Variants in KCTD16 observed in about 807,000 individuals in gnomAD.
KCTD16 encodes BTB/POZ domain-containing protein KCTD16.
In KCTD16, 13 loss-of-function variants were observed where a neutral mutation model predicts 33.2. The observed-to-expected ratio is 0.39, with a 90% CI of 0.25 to 0.62. The LOEUF is 0.62. KCTD16 is among the 20% of genes least tolerant of loss of function. KCTD16 has a pLI of 0.50. For synonymous variants in KCTD16, 197 were observed against 195.3 expected, an observed-to-expected ratio of 1.01 and a Z score of -0.07; for missense variants, 441 against 525.1, an observed-to-expected ratio of 0.84 and a Z score of 1.57.
intron 3 of KCTD16, among the ~76,000 whole-genome samples, chr5:144,232,941 C>G (rs200017043): frequency 6.6e-6 from 1 of 152,152 alleles, no homozygotes; most frequent in Non-Finnish European, 1.5e-5. Flanking sequence ...CTAATGGCTA[C>G]TACCCTGAAA....
chr5:144,173,152 T>G (rs1404671523), intron 1 of KCTD16, among the ~76,000 whole-genome samples: 1 of 152,184 alleles, frequency 6.6e-6, no homozygotes, highest in Non-Finnish European at 1.5e-5. Context: ...AGGATATAAA[T>G]CAGTCTATCA....
intron 3 of KCTD16, among the ~76,000 whole-genome samples, chr5:144,400,021 A>G (rs1042932518): frequency 6.6e-6 from 1 of 152,216 alleles, no homozygotes; most frequent in Non-Finnish European, 1.5e-5. Context: ...TGGTCTCAGC[A>G]TCTCTTTACT....
In KCTD16 at chr5:144,291,865, A is replaced by G. The variant is rs578210404; in HGVS notation, c.832+84319A>G. Among the ~76,000 whole-genome samples, 35 of 152,352 alleles carry G rather than the reference A, an allele frequency of 2.3e-4. 1 individual carries two copies. Among genetic ancestry groups the G allele is most frequent in the Admixed American group, 2.2e-3 (34 of 15,304 alleles). On this transcript the variant is annotated intron_variant, in intron 3 of 3. Coordinates refer to ENST00000512467, the MANE Select transcript of KCTD16 (RefSeq NM_020768.4). Reference sequence around the variant, plus strand: ...AGCAGTATCTTTGTTTTTGGCATCAACATAAATGACAAATATTTGCGCATC... The same window carrying G: ...AGCAGTATCTTTGTTTTTGGCATCAGCATAAATGACAAATATTTGCGCATC...
chr5:144,236,260 A>G (rs1754250602), intron 3 of KCTD16, among the ~76,000 whole-genome samples: 1 of 152,164 alleles, frequency 6.6e-6, no homozygotes, highest in Admixed American at 6.6e-5. Flanking sequence ...TAACTACTGG[A>G]TAACATTAGG....
intron 3 of KCTD16, among the ~76,000 whole-genome samples, chr5:144,407,954 T>C (rs1752848915): frequency 2.0e-5 from 3 of 152,360 alleles, no homozygotes; most frequent in African/African-American, 7.2e-5. Flanking sequence ...TTGATAGGCA[T>C]TTGGATTGTT....
At chr5:144,213,917 T>C (rs1317973611) in intron 3 of KCTD16, among the ~76,000 whole-genome samples, 2 of 152,190 alleles carry the variant, frequency 1.3e-5, no homozygotes, top group African/African-American at 4.8e-5. Flanking sequence ...GGTGCTGCAG[T>C]GGTAGCCTGC....
intron 3 of KCTD16, among the ~76,000 whole-genome samples, chr5:144,281,014 C>T (rs745362944): frequency 3.4e-5 from 5 of 148,608 alleles, no homozygotes; most frequent in Non-Finnish European, 5.9e-5. Context: ...CCCGTCTCTA[C>T]TAAACAAAAT....
intron 3 of KCTD16, chr5:144,377,870 G>T (rs1382851334): frequency 6.6e-6 from 1 of 151,742 alleles, no homozygotes; most frequent in East Asian, 1.9e-4. Context: ...GTGCAATTAG[G>T]TAGGTAATTA....
intron 3 of KCTD16, among the ~76,000 whole-genome samples, chr5:144,445,870 C>A (rs1450383311): frequency 1.3e-5 from 2 of 151,926 alleles, no homozygotes; most frequent in East Asian, 3.9e-4. Context: ...CTTATGGGGG[C>A]TAAACTGCTT....
chr5:144,324,211 CT>C (rs925209693), intron 3 of KCTD16, among the ~76,000 whole-genome samples: 1 of 152,152 alleles, frequency 6.6e-6, no homozygotes. Flanking sequence ...GTACCCCAGA[CT>C]CCAGCCAGTA....
At chr5:144,357,360 G>T (rs1225046857) in intron 3 of KCTD16, among the ~76,000 whole-genome samples, 2 of 152,158 alleles carry the variant, frequency 1.3e-5, no homozygotes, top group Admixed American at 1.3e-4. Context: ...TATAGCTCTA[G>T]AGCAATTCCT....
rs1754737354 is a variant in KCTD16 at position 144,483,101 on chromosome 5, G to T, written c.*8987G>T. 6.7e-6 allele frequency: 1 copy of T among 148,282 alleles called. No individual in the cohort carries two copies. The highest frequency in any genetic ancestry group is 2.5e-5 in the African/African-American group (1 of 40,236). 9.2% of individuals were successfully genotyped at this position (148,282 alleles called of 1,614,324 possible). ...GGCTCTCTTATCCAAACCATTTGTT[G>T]GAATTTCAAACTACATGTTTTCACA... is the stretch of plus-strand genomic sequence containing the variant. On this transcript the variant is annotated 3_prime_UTR_variant, in exon 4 of 4. Transcript: ENST00000512467.
chr5:144,318,576 C>T (rs1489041766), intron 3 of KCTD16, among the ~76,000 whole-genome samples: 1 of 152,152 alleles, frequency 6.6e-6, no homozygotes, highest in African/African-American at 2.4e-5. Flanking sequence ...AGCCTGAGAT[C>T]TCCCATCAGT....
intron 3 of KCTD16, among the ~76,000 whole-genome samples, chr5:144,436,032 G>A (rs943383315): frequency 6.6e-6 from 1 of 152,184 alleles, no homozygotes; most frequent in Non-Finnish European, 1.5e-5. Context: ...AAGAACAGTT[G>A]TGCTTGTAGG....
intron 3 of KCTD16, among the ~76,000 whole-genome samples, chr5:144,443,050 A>G (rs1753748037): frequency 6.6e-6 from 1 of 152,126 alleles, no homozygotes; most frequent in African/African-American, 2.4e-5. Context: ...AAGAGAGCTC[A>G]AGTTCTCTTG....
chr5:144,251,181 C>G (rs1162588141), intron 3 of KCTD16, among the ~76,000 whole-genome samples: 1 of 152,060 alleles, frequency 6.6e-6, no homozygotes, highest in Non-Finnish European at 1.5e-5. Context: ...AAGAATTAAA[C>G]TTTTTTGAAG....
intron 3 of KCTD16, among the ~76,000 whole-genome samples, chr5:144,251,641 C>G (rs1754703569): frequency 6.6e-6 from 1 of 152,174 alleles, no homozygotes; most frequent in South Asian, 2.1e-4. Context: ...TGTGGCTTTT[C>G]TTCAGGAGTT....
At chr5:144,265,487 A>G (rs1755118049) in intron 3 of KCTD16, among the ~76,000 whole-genome samples, 1 of 152,214 alleles carries the variant, frequency 6.6e-6, no homozygotes, top group South Asian at 2.1e-4. Context: ...ACTGAAGTTA[A>G]GGAAACAACC....
rs558215974 is a variant in KCTD16, at chr5:144,290,349, C to T, written c.832+82803C>T. Among the ~76,000 whole-genome samples, 9 of 152,132 alleles carry T rather than the reference C, an allele frequency of 5.9e-5. No homozygotes were observed. In the South Asian group the frequency reaches 1.2e-3, roughly 21 times the overall value. ...AAAAACAGTCAATAAAAAACTCTAT[C>T]GTATTTCTTTGGGGAAAATTCTCCG... On this transcript the variant is annotated intron_variant, in intron 3 of 3. Transcript: ENST00000512467.
Sources: gnomAD v4.1 joint callset for allele counts (sites outside exome capture counted in the v4.1 genomes callset) on GRCh38, gnomAD v4.1.1 for gene constraint, MANE v1.5 for transcripts, NCBI Gene and HGNC (gene_info 2026-07-23, HGNC 2026-07-21) for gene names.